Variants in COL27A1 observed in about 807,000 individuals in gnomAD.
COL27A1 encodes collagen alpha-1(XXVII) chain.
A neutral mutation model predicts 251.3 loss-of-function variants in COL27A1; 106 were observed. That is an observed-to-expected ratio of 0.42 (90% CI 0.36 to 0.50). The LOEUF is 0.50. Among genes scored for constraint, COL27A1 ranks in the 20% least tolerant of loss-of-function variants. The pLI, the probability that COL27A1 is intolerant of heterozygous loss-of-function variation, is 0.00. For synonymous variants in COL27A1, 1,000 were observed against 986.3 expected (o/e 1.01, Z -0.26); for missense variants, 2,325 against 2,522.8 (o/e 0.92, Z 1.68).
chr9:114,188,131 AC>A (rs34374172), intron 5 of COL27A1, among the ~76,000 whole-genome samples: 1 of 151,926 alleles, frequency 6.6e-6, no homozygotes, highest in South Asian at 2.1e-4. Flanking sequence ...CAGCAGGGCT[AC>A]CCCATAGGCA....
intron 5 of COL27A1, among the ~76,000 whole-genome samples, chr9:114,187,551 C>G (rs1371970395): frequency 6.6e-6 from 1 of 152,270 alleles, no homozygotes; most frequent in Non-Finnish European, 1.5e-5. Context: ...AGCACGCATT[C>G]AAACCCTCAA....
At chr9:114,297,181 A>G (rs938264217) in intron 49 of COL27A1, among the ~76,000 whole-genome samples, 2 of 152,232 alleles carry the variant, frequency 1.3e-5, no homozygotes, top group Non-Finnish European at 2.9e-5. Flanking sequence ...ATCAGATTAT[A>G]CAATTTAAAT....
intron 9 of COL27A1, 42 bp downstream of exon 9, chr9:114,205,854 G>A (rs1829914469): frequency 3.8e-6 from 6 of 1,570,444 alleles, no homozygotes; most frequent in Non-Finnish European, 5.2e-6. Flanking sequence ...CCATGGTGAT[G>A]TGAAGATGGC....
At chr9:114,268,946 CAAAA>C (rs1198246419) in intron 34 of COL27A1, 1 of 323,794 alleles carries the variant, frequency 3.1e-6, no homozygotes, top group Non-Finnish European at 5.6e-6. Context: ...AAAAAACAAA[CAAAA>C]AAAGTCCTTA....
intron 60 of COL27A1, among the ~76,000 whole-genome samples, chr9:114,310,337 A>G (rs1370251382): frequency 1.3e-5 from 2 of 152,234 alleles, no homozygotes; most frequent in Non-Finnish European, 2.9e-5. Context: ...ATAAGAATGC[A>G]CACAAAGGTT....
At chr9:114,306,770 T>C (rs1829083425) in intron 58 of COL27A1, 82 bp downstream of exon 58, 2 of 1,510,718 alleles carry the variant, frequency 1.3e-6, no homozygotes, top group Admixed American at 4.1e-5. Context: ...CCGCCGCATT[T>C]TGGCTGAGTT....
At chr9:114,171,666 A>G (rs967037258) in intron 3 of COL27A1, among the ~76,000 whole-genome samples, 77 of 151,318 alleles carry the variant, frequency 5.1e-4, no homozygotes, top group Middle Eastern at 3.4e-3. Flanking sequence ...GGGTCTCACT[A>G]TGTTGCCCAG....
At chr9:114,287,351 G>A (rs1427475803) in intron 41 of COL27A1, among the ~76,000 whole-genome samples, 1 of 152,176 alleles carries the variant, frequency 6.6e-6, no homozygotes, top group African/African-American at 2.4e-5. Flanking sequence ...CCAGTTTCTG[G>A]GGCTGGAGTC....
intron 24 of COL27A1, chr9:114,246,175 CCA>C: frequency 2.4e-6 from 1 of 419,788 alleles, no homozygotes; most frequent in Non-Finnish European, 4.2e-6. Context: ...GTGCATTTGC[CCA>C]AAGAGGTTAT....
intron 2 of COL27A1, among the ~76,000 whole-genome samples, chr9:114,163,447 G>A (rs1331489008): frequency 1.3e-4 from 19 of 150,974 alleles, no homozygotes; most frequent in Non-Finnish European, 1.2e-4. Flanking sequence ...CATGGCCCAA[G>A]CCTGGGATCC....
intron 19 of COL27A1, 31 bp downstream of exon 19, chr9:114,237,746 C>G: frequency 1.9e-6 from 3 of 1,592,914 alleles, no homozygotes; most frequent in African/African-American, 2.7e-5. Context: ...CCGTGTCTGG[C>G]TGCTGCTGGG....
rs1364070393 is a variant in COL27A1 at position 114,284,748 on chromosome 9, C to T, written c.3958C>T (p.Leu1320Phe). Residue 1320 changes from leucine (L) to phenylalanine (F), a missense_variant, in exon 41 of 61, where the codon CTT (leucine) becomes TTT (phenylalanine). Physicochemically the swap from Leu to Phe is conservative, Grantham distance 22 (BLOSUM62 0). Around this residue, in one of 4 missense-constraint regions of COL27A1, gnomAD observed 662 missense variants for 795.3 expected, o/e 0.83. Transcript: ENST00000356083. ...YDGHKGIVGP[L>F]GPPGPKGEKG... The stretch of plus-strand genomic sequence containing the variant: ...GGGACACAAAGGCATTGTGGGACCC[C>T]TTGGACCTCCTGGACCAAAAGGCGA... 1 of 1,614,108 alleles carries T rather than the reference C, an allele frequency of 6.2e-7. No individual in the cohort carries two copies. The highest frequency in any genetic ancestry group is 8.5e-7 in the Non-Finnish European group (1 of 1,180,038).
intron 27 of COL27A1, among the ~76,000 whole-genome samples, chr9:114,255,080 C>G (rs1051615794): frequency 6.6e-6 from 1 of 152,176 alleles, no homozygotes; most frequent in African/African-American, 2.4e-5. Context: ...TTGAGGAGCA[C>G]AGTTGGAAGC....
At chr9:114,281,881 G>A (rs879804878) in intron 37 of COL27A1, among the ~76,000 whole-genome samples, 1 of 152,156 alleles carries the variant, frequency 6.6e-6, no homozygotes, top group African/African-American at 2.4e-5. Context: ...CGTTGGGAGG[G>A]TGGAACAGCA....
chr9:114,306,471 G>C (rs184662987), intron 57 of COL27A1, 49 bp from the exon 58 acceptor site: 4 of 1,597,906 alleles, frequency 2.5e-6, no homozygotes, highest in Admixed American at 3.4e-5. Flanking sequence ...TGAACCCCAG[G>C]CTGGACCAGG....
chr9:114,258,467 C>G, intron 27 of COL27A1, 74 bp from the exon 28 acceptor site: 1 of 1,470,470 alleles, frequency 6.8e-7, no homozygotes, highest in South Asian at 1.2e-5. Flanking sequence ...AAGCTTTGCC[C>G]CACACTCCCA....
intron 59 of COL27A1, among the ~76,000 whole-genome samples, chr9:114,308,449 G>C (rs1429612795): frequency 1.3e-5 from 2 of 152,188 alleles, no homozygotes; most frequent in Non-Finnish European, 2.9e-5. Context: ...GGGTCAGACT[G>C]GCAGTTTGAG....
Position 114,194,473 on chromosome 9 carries a change from C to T in COL27A1, c.2070+16C>T, listed in dbSNP as rs1359722839. On this transcript the variant is annotated intron_variant, in intron 6 of 60. Transcript: ENST00000356083. ...TGGGGCAAAGGTAGGTTTCCAGGGACCCCAGTTCTCAGGGAAGAGGGGAGT... is the reference window on the plus strand; with the variant it reads ...TGGGGCAAAGGTAGGTTTCCAGGGATCCCAGTTCTCAGGGAAGAGGGGAGT... The T allele has an allele frequency of 6.2e-7, 1 of 1,607,288 alleles. No individual in the cohort carries two copies. The highest frequency in any genetic ancestry group is 1.7e-5 in the Admixed American group (1 of 59,400).
At position 114,311,887 on chromosome 9, in the gene COL27A1, C is replaced by A. The variant is rs1388358379; in HGVS notation, c.*1192C>A. 1 of 152,224 alleles carries A rather than the reference C, an allele frequency of 6.6e-6. No individual in the cohort carries two copies. The highest frequency in any genetic ancestry group is 2.4e-5 in the African/African-American group (1 of 41,448). 9.4% of individuals were successfully genotyped at this position (152,224 alleles called of 1,614,324 possible). On this transcript the variant is annotated 3_prime_UTR_variant, in exon 61 of 61. Transcript: ENST00000356083. ...ATCGCCTCTTCCGAGGTCCTCACTT[C>A]CAGGAGCCTGTCCTTGCAAGATGCA...
Sources: gnomAD v4.1 joint callset for allele counts (sites outside exome capture counted in the v4.1 genomes callset) on GRCh38, gnomAD v4.1.1 for gene constraint, gnomAD v4.1.1 regional missense constraint, MANE v1.5 for transcripts, NCBI Gene and HGNC (gene_info 2026-07-23, HGNC 2026-07-21) for gene names.